The following SPAG6 variants were observed in gnomAD, a reference collection of about 807,000 sequenced individuals.
SPAG6 encodes the protein sperm-associated antigen 6.
In SPAG6, 49 loss-of-function variants were observed where a neutral mutation model predicts 58.5. That is an observed-to-expected ratio of 0.84 (90% CI 0.67 to 1.06). SPAG6 has a LOEUF of 1.06. Among genes scored for constraint, SPAG6 ranks in the 50% least tolerant of loss-of-function variants. The pLI, the probability that SPAG6 is intolerant of heterozygous loss-of-function variation, is 0.00. For synonymous variants in SPAG6, 233 were observed against 225.6 expected (o/e 1.03, Z -0.29); for missense variants, 560 against 611.3 (o/e 0.92, Z 0.89).
At chr10:22,380,582 C>T (rs1028638213) in intron 4 of SPAG6, among the ~76,000 whole-genome samples, 1 of 152,058 alleles carries the variant, frequency 6.6e-6, no homozygotes, top group African/African-American at 2.4e-5. Context: ...GCTAGGATTA[C>T]AGGCATGAGC....
chr10:22,375,029 G>A (rs1199929898), intron 4 of SPAG6, among the ~76,000 whole-genome samples: 1 of 152,212 alleles, frequency 6.6e-6, no homozygotes, highest in Non-Finnish European at 1.5e-5. Context: ...GCAAATACCT[G>A]TGGGAGAAAT....
intron 8 of SPAG6, among the ~76,000 whole-genome samples, chr10:22,399,038 C>T (rs1588554844): frequency 6.6e-6 from 1 of 152,222 alleles, no homozygotes; most frequent in Non-Finnish European, 1.5e-5. Context: ...AGGCTGGTCT[C>T]GAACTCCTGA....
At chr10:22,352,029 G>A (rs905524705) in intron 2 of SPAG6, among the ~76,000 whole-genome samples, 1 of 151,984 alleles carries the variant, frequency 6.6e-6, no homozygotes, top group Non-Finnish European at 1.5e-5. Flanking sequence ...GCGTGGTGGC[G>A]GGTGCCTGCA....
Position 22,387,803 on chromosome 10 carries a change from G to GTT in SPAG6, c.679-11_679-10dup, listed in dbSNP as rs199626751. On this transcript the variant is annotated intron_variant, in intron 5 of 10. Transcript: ENST00000376624. Reference sequence around the variant, plus strand: ...TGCTATATAGTGTTTTGTTGTTGTTGTTTTTTTTTTGCTTCACAGCATCAG... The same window carrying GTT: ...TGCTATATAGTGTTTTGTTGTTGTTGTTTTTTTTTTTTGCTTCACAGCATCAG... The GTT allele has an allele frequency of 1.5e-5, 20 of 1,357,266 alleles. No homozygotes were observed. The highest frequency in any genetic ancestry group is 1.9e-4 in the Middle Eastern group (1 of 5,250). 84.1% of individuals were successfully genotyped at this position (1,357,266 alleles called of 1,614,324 possible).
chr10:22,350,600 C>G (rs1410039166), intron 2 of SPAG6, among the ~76,000 whole-genome samples: 1 of 152,160 alleles, frequency 6.6e-6, no homozygotes, highest in Admixed American at 6.5e-5. Flanking sequence ...AATGAGGTTT[C>G]AGGACCTTTG....
At chr10:22,359,643 A>G (rs1836977165) in intron 2 of SPAG6, among the ~76,000 whole-genome samples, 1 of 152,196 alleles carries the variant, frequency 6.6e-6, no homozygotes. Context: ...AATGTACTCA[A>G]TGCCACTTAA....
intron 2 of SPAG6, among the ~76,000 whole-genome samples, chr10:22,355,943 T>C (rs958153789): frequency 7.2e-5 from 11 of 152,204 alleles, no homozygotes; most frequent in African/African-American, 2.7e-4. Context: ...TCAGTAAAAA[T>C]CATCATATAA....
chr10:22,397,027 GT>G (rs942345831), intron 8 of SPAG6, among the ~76,000 whole-genome samples: 12 of 152,098 alleles, frequency 7.9e-5, no homozygotes, highest in Non-Finnish European at 1.6e-4. Context: ...AAATAGGAGA[GT>G]TTTTTTGACC....
At position 22,396,133 on chromosome 10, in the gene SPAG6, T is replaced by G. The variant is rs564051743; in HGVS notation, c.1197+4213T>G. Among the ~76,000 whole-genome samples, 15 of 152,280 alleles carry G rather than the reference T, an allele frequency of 9.9e-5. No individual in the cohort carries two copies. In the East Asian group the frequency reaches 2.7e-3, roughly 27 times the overall value. Reference sequence around the variant, plus strand: ...AGGGAGCGAAGGGGGAGGTGCTACATGCTTTGAAACAAGCAGATCTCATGA... The same window carrying G: ...AGGGAGCGAAGGGGGAGGTGCTACAGGCTTTGAAACAAGCAGATCTCATGA... On this transcript the variant is annotated intron_variant, in intron 8 of 10. Transcript: ENST00000376624.
At chr10:22,362,907 T>G (rs927868558) in intron 2 of SPAG6, among the ~76,000 whole-genome samples, 1 of 152,212 alleles carries the variant, frequency 6.6e-6, no homozygotes, top group Middle Eastern at 3.4e-3. Context: ...ATTAGTGCTA[T>G]GGAAATGCAA....
At chr10:22,371,674 T>C (rs1833699828) in intron 4 of SPAG6, among the ~76,000 whole-genome samples, 1 of 152,166 alleles carries the variant, frequency 6.6e-6, no homozygotes, top group Non-Finnish European at 1.5e-5. Flanking sequence ...GTTTAAGAAA[T>C]ATAAATCTTA....
intron 3 of SPAG6, among the ~76,000 whole-genome samples, chr10:22,367,789 T>C (rs1371342428): frequency 6.6e-6 from 1 of 152,132 alleles, no homozygotes; most frequent in Non-Finnish European, 1.5e-5. Context: ...AATGCATCTA[T>C]AGGAAATATA....
chr10:22,391,025 G>T (rs544887910), intron 7 of SPAG6, among the ~76,000 whole-genome samples: 2 of 152,182 alleles, frequency 1.3e-5, no homozygotes, highest in African/African-American at 2.4e-5. Context: ...TGTTCCTTGG[G>T]TATACAAAAT....
At chr10:22,347,621 G>A (rs187489100) in intron 2 of SPAG6, among the ~76,000 whole-genome samples, 1 of 152,144 alleles carries the variant, frequency 6.6e-6, no homozygotes, top group Admixed American at 6.5e-5. Flanking sequence ...TTTAAGATAC[G>A]GAGTATCATG....
intron 4 of SPAG6, among the ~76,000 whole-genome samples, chr10:22,371,294 C>T (rs1833685695): frequency 6.6e-6 from 1 of 152,020 alleles, no homozygotes; most frequent in African/African-American, 2.4e-5. Context: ...TGCTCTGTCG[C>T]CCAGGCTGGA....
chr10:22,372,922 T>C (rs921062452), intron 4 of SPAG6, among the ~76,000 whole-genome samples: 2 of 152,230 alleles, frequency 1.3e-5, no homozygotes, highest in Admixed American at 1.3e-4. Context: ...GGATTTATTC[T>C]GGTTACACAG....
intron 2 of SPAG6, among the ~76,000 whole-genome samples, chr10:22,354,939 A>G (rs1326447596): frequency 1.3e-5 from 2 of 151,764 alleles, no homozygotes; most frequent in Admixed American, 6.6e-5. Flanking sequence ...GGTTGCTGTG[A>G]GTTGAGATCA....
chr10:22,384,585 C>A (rs1454367648), intron 4 of SPAG6, among the ~76,000 whole-genome samples: 1 of 152,116 alleles, frequency 6.6e-6, no homozygotes, highest in Non-Finnish European at 1.5e-5. Flanking sequence ...AAGTGTGCTA[C>A]TCAAGAGCAG....
intron 4 of SPAG6, among the ~76,000 whole-genome samples, chr10:22,373,258 G>C (rs1309875350): frequency 6.6e-6 from 1 of 152,132 alleles, no homozygotes; most frequent in Admixed American, 6.6e-5. Flanking sequence ...CTCTTTACTA[G>C]ATAGATAATG....
Sources: allele counts gnomAD v4.1 joint callset (sites outside exome capture counted in the v4.1 genomes callset), GRCh38; gene constraint gnomAD v4.1.1; transcripts MANE v1.5; gene names NCBI Gene and HGNC (gene_info 2026-07-23, HGNC 2026-07-21).